The following PLPP4 variants were observed in gnomAD, a reference collection of about 807,000 sequenced individuals.
The protein encoded by PLPP4 is diacylglycerol pyrophosphate like 2.
Under a neutral mutation model 32.2 loss-of-function variants are expected in PLPP4, and 20 were observed. The observed-to-expected ratio is 0.62, with a 90% CI of 0.44 to 0.90. The LOEUF (loss-of-function observed/expected upper bound fraction) is 0.90, where lower values mean the gene tolerates loss of function less well. PLPP4 is among the 40% of genes least tolerant of loss of function. The pLI, the probability that PLPP4 is intolerant of heterozygous loss-of-function variation, is 0.00. For synonymous variants in PLPP4, 127 were observed against 133.0 expected, an observed-to-expected ratio of 0.95 and a Z score of 0.31; for missense variants, 257 against 353.1, an observed-to-expected ratio of 0.73 and a Z score of 2.18.
At chr10:120,554,816 G>C (rs1848076959) in intron 5 of PLPP4, among the ~76,000 whole-genome samples, 1 of 152,080 alleles carries the variant, frequency 6.6e-6, no homozygotes. Context: ...ACTATCATGA[G>C]AACAGCAAGG....
chr10:120,465,154 A>G (rs1260885241), intron 1 of PLPP4, among the ~76,000 whole-genome samples: 1 of 152,258 alleles, frequency 6.6e-6, no homozygotes, highest in South Asian at 2.1e-4. Flanking sequence ...TTGTAAATAG[A>G]AACATTATCT....
intron 6 of PLPP4, among the ~76,000 whole-genome samples, chr10:120,586,632 AACCCG>A (rs1430255862): frequency 6.6e-6 from 1 of 152,192 alleles, no homozygotes; most frequent in Admixed American, 6.5e-5. Context: ...ACAGGACAGC[AACCCG>A]ACCTAACCCT....
chr10:120,518,360 G>A (rs541633885), intron 3 of PLPP4, among the ~76,000 whole-genome samples: 2 of 152,260 alleles, frequency 1.3e-5, no homozygotes, highest in African/African-American at 4.8e-5. Flanking sequence ...GGCCGGTGAT[G>A]GGTCAATAAT....
intron 6 of PLPP4, among the ~76,000 whole-genome samples, chr10:120,588,994 C>A (rs576158839): frequency 6.6e-6 from 1 of 152,138 alleles, no homozygotes; most frequent in East Asian, 1.9e-4. Context: ...TGCAGTGAGG[C>A]GAGATTGCAG....
At chr10:120,567,477 C>T (rs931916469) in intron 5 of PLPP4, among the ~76,000 whole-genome samples, 3 of 152,164 alleles carry the variant, frequency 2.0e-5, no homozygotes, top group African/African-American at 7.2e-5. Context: ...TTGAGGGGGA[C>T]ACCACACTGA....
chr10:120,483,975 AC>A, intron 1 of PLPP4, among the ~76,000 whole-genome samples: 1 of 152,330 alleles, frequency 6.6e-6, no homozygotes, highest in African/African-American at 2.4e-5. Context: ...CTCTATAGCA[AC>A]ACAAAATGGA....
intron 3 of PLPP4, 89 bp downstream of exon 3, chr10:120,514,090 T>A: frequency 9.8e-7 from 1 of 1,023,756 alleles, no homozygotes; most frequent in Non-Finnish European, 1.5e-6. Flanking sequence ...ACCCAACTGA[T>A]TTTTTTCTTT....
At chr10:120,571,923 G>A (rs989416192) in intron 5 of PLPP4, among the ~76,000 whole-genome samples, 2 of 152,152 alleles carry the variant, frequency 1.3e-5, no homozygotes, top group Non-Finnish European at 2.9e-5. Flanking sequence ...AAAGTGACAA[G>A]CATAAGGTTT....
chr10:120,555,622 C>G (rs905058711), intron 5 of PLPP4, among the ~76,000 whole-genome samples: 2 of 152,234 alleles, frequency 1.3e-5, no homozygotes, highest in Non-Finnish European at 2.9e-5. Flanking sequence ...TCAACACACA[C>G]TGGGTGCAGA....
intron 2 of PLPP4, among the ~76,000 whole-genome samples, chr10:120,509,931 C>T (rs1185022383): frequency 6.6e-6 from 1 of 152,204 alleles, no homozygotes; most frequent in Non-Finnish European, 1.5e-5. Flanking sequence ...ACTGCTCTAA[C>T]ATTGTGGTCA....
chr10:120,571,029 C>A (rs72836042), intron 5 of PLPP4, among the ~76,000 whole-genome samples: 1 of 149,220 alleles, frequency 6.7e-6, no homozygotes, highest in Non-Finnish European at 1.5e-5. Flanking sequence ...GCTTTGAAAG[C>A]GAGGGACATA....
At chr10:120,523,019 C>G (rs1427833652) in intron 5 of PLPP4, among the ~76,000 whole-genome samples, 3 of 152,176 alleles carry the variant, frequency 2.0e-5, no homozygotes, top group Non-Finnish European at 4.4e-5. Context: ...AAGGATCGGC[C>G]AGGTGCAGTG....
intron 1 of PLPP4, among the ~76,000 whole-genome samples, chr10:120,486,454 C>T (rs570807242): frequency 1.6e-4 from 25 of 152,174 alleles, no homozygotes; most frequent in African/African-American, 4.8e-4. Flanking sequence ...CTGTGTGGTC[C>T]CTGAAAGCCT....
intron 5 of PLPP4, among the ~76,000 whole-genome samples, chr10:120,543,448 C>T (rs1049938466): frequency 6.6e-6 from 1 of 151,970 alleles, no homozygotes; most frequent in Non-Finnish European, 1.5e-5. Flanking sequence ...AGGGTGTAAG[C>T]ATTACTAGCC....
At chr10:120,477,628 A>G (rs1036692668) in intron 1 of PLPP4, among the ~76,000 whole-genome samples, 1 of 152,180 alleles carries the variant, frequency 6.6e-6, no homozygotes, top group Non-Finnish European at 1.5e-5. Flanking sequence ...TGTCAGAGAG[A>G]AAGAAGTCTG....
At chr10:120,507,417 A>G (rs1043975355) in intron 2 of PLPP4, among the ~76,000 whole-genome samples, 12 of 152,220 alleles carry the variant, frequency 7.9e-5, no homozygotes, top group African/African-American at 2.2e-4. Flanking sequence ...AACAGTAAAC[A>G]TTTCTTGAAT....
At chr10:120,533,966 T>C (rs1241730315) in intron 5 of PLPP4, among the ~76,000 whole-genome samples, 1 of 152,182 alleles carries the variant, frequency 6.6e-6, no homozygotes, top group East Asian at 1.9e-4. Flanking sequence ...ATATGTATCA[T>C]TCTTTATTAC....
At chr10:120,558,411 C>CTT (rs35962206) in intron 5 of PLPP4, among the ~76,000 whole-genome samples, 208 of 135,972 alleles carry the variant, frequency 1.5e-3, no homozygotes, top group African/African-American at 1.6e-3. Context: ...TTCTTTCTTT[C>CTT]TTTTTTTTTT....
chr10:120,540,291 T>C (rs1180331822), intron 5 of PLPP4, among the ~76,000 whole-genome samples: 5 of 152,216 alleles, frequency 3.3e-5, no homozygotes, highest in African/African-American at 1.2e-4. Context: ...ACAAGTGACA[T>C]GATGTTGCTA....
Sources: allele counts gnomAD v4.1 joint callset (sites outside exome capture counted in the v4.1 genomes callset), GRCh38; gene constraint gnomAD v4.1.1; transcripts MANE v1.5; gene names NCBI Gene and HGNC (gene_info 2026-07-23, HGNC 2026-07-21).